SLC39A12: variants seen among roughly 807,000 people sequenced by gnomAD.
SLC39A12 encodes the protein solute carrier family 39 member 12, also known as zinc transporter ZIP12.
SLC39A12 carries 63 observed loss-of-function variants against 71.1 expected under a neutral mutation model. The ratio of observed to expected loss-of-function variants is 0.89; its 90% CI spans 0.72 to 1.09. The LOEUF is 1.09. Ranked by LOEUF, SLC39A12 falls within the 50% of genes least tolerant of loss-of-function variation. The probability of loss-of-function intolerance (pLI) is 0.00; values close to 1 mark genes in which losing one functional copy is unlikely to be tolerated. For synonymous variants in SLC39A12, 351 were observed against 301.3 expected (o/e 1.16, Z -1.71); for missense variants, 892 against 812.6 (o/e 1.10, Z -1.19).
intron 5 of SLC39A12, among the ~76,000 whole-genome samples, chr10:17,979,633 A>G (rs777053758): frequency 1.5e-4 from 23 of 152,234 alleles, no homozygotes; most frequent in Non-Finnish European, 3.2e-4. Context: ...AGGGAAAAAA[A>G]AACACAAGTT....
intron 2 of SLC39A12, among the ~76,000 whole-genome samples, chr10:17,956,418 A>G (rs369889270): frequency 1.4e-5 from 2 of 147,400 alleles, no homozygotes; most frequent in African/African-American, 5.4e-5. Context: ...TCTCATGGAT[A>G]TACATGTTCT....
chr10:18,016,625 C>A (rs1589250038), intron 12 of SLC39A12, among the ~76,000 whole-genome samples: 1 of 152,344 alleles, frequency 6.6e-6, no homozygotes, highest in Non-Finnish European at 1.5e-5. Flanking sequence ...ACCAAACTGT[C>A]TTCCAAAGTG....
At chr10:18,000,422 C>T (rs905506677) in intron 10 of SLC39A12, among the ~76,000 whole-genome samples, 7 of 152,170 alleles carry the variant, frequency 4.6e-5, no homozygotes, top group African/African-American at 1.7e-4. Flanking sequence ...ATGTTAAAAT[C>T]ATTTATGCCA....
chr10:17,971,144 A>G (rs1423487756), intron 4 of SLC39A12, among the ~76,000 whole-genome samples: 1 of 152,016 alleles, frequency 6.6e-6, no homozygotes, highest in Non-Finnish European at 1.5e-5. Context: ...CATCCTAGCT[A>G]GGGCATAAAT....
intron 10 of SLC39A12, among the ~76,000 whole-genome samples, chr10:17,996,169 A>T (rs985962721): frequency 3.3e-5 from 5 of 152,246 alleles, no homozygotes; most frequent in Admixed American, 1.3e-4. Flanking sequence ...GGTAGAATTC[A>T]AATCAGTGAT....
intron 12 of SLC39A12, among the ~76,000 whole-genome samples, chr10:18,014,213 T>A (rs1836314511): frequency 6.6e-6 from 1 of 152,200 alleles, no homozygotes; most frequent in Non-Finnish European, 1.5e-5. Flanking sequence ...TTCTTTTTGA[T>A]GATATTGTAA....
chr10:18,029,464 GT>G (rs1476885096), intron 12 of SLC39A12, among the ~76,000 whole-genome samples: 4 of 152,050 alleles, frequency 2.6e-5, no homozygotes, highest in Non-Finnish European at 5.9e-5. Context: ...ACTGATTTAG[GT>G]TGGACAACTT....
chr10:18,006,398 A>G (rs141414340), intron 12 of SLC39A12, among the ~76,000 whole-genome samples: 2 of 152,348 alleles, frequency 1.3e-5, no homozygotes, highest in African/African-American at 4.8e-5. Flanking sequence ...AAAGGAAGTT[A>G]AGAATGAATG....
Position 17,969,345 on chromosome 10 carries a change from GT to G in SLC39A12, c.751+3662del, listed in dbSNP as rs1834911024. On this transcript the variant is annotated intron_variant, in intron 4 of 12. Coordinates refer to ENST00000377369, the MANE Select transcript of SLC39A12 (RefSeq NM_001145195.2). Reference sequence around the variant, plus strand: ...TGGTCATATGGTAGCTCAATTTTTAGTTTTTTTGAGAAACCTCCCGATCGTT... The same window carrying G: ...TGGTCATATGGTAGCTCAATTTTTAGTTTTTTGAGAAACCTCCCGATCGTT... Among the ~76,000 whole-genome samples, 3 of 152,158 alleles carry G rather than the reference GT, an allele frequency of 2.0e-5. No homozygotes were observed. The East Asian group carries it at 5.8e-4, about 29-fold the overall frequency.
intron 8 of SLC39A12, among the ~76,000 whole-genome samples, chr10:17,991,954 T>C (rs1326877586): frequency 6.6e-6 from 1 of 151,912 alleles, no homozygotes; most frequent in Non-Finnish European, 1.5e-5. Context: ...CCAGGCATGA[T>C]GCCGCGCGCC....
chr10:17,963,834 T>C (rs892343155), intron 3 of SLC39A12, among the ~76,000 whole-genome samples: 6 of 152,162 alleles, frequency 3.9e-5, no homozygotes, highest in African/African-American at 7.2e-5. Context: ...CTGCTCCAAG[T>C]GGGCCTCAAC....
At chr10:17,999,294 CAAAAAAAAAAA>C (rs59734258) in intron 10 of SLC39A12, among the ~76,000 whole-genome samples, 2 of 70,374 alleles carry the variant, frequency 2.8e-5, no homozygotes, top group Non-Finnish European at 4.7e-5. Context: ...GACTCCATCT[CAAAAAAAAAAA>C]AAAAAAAAAA....
At chr10:17,989,402 C>A (rs1033338764) in intron 7 of SLC39A12, among the ~76,000 whole-genome samples, 5 of 152,224 alleles carry the variant, frequency 3.3e-5, no homozygotes, top group Admixed American at 2.6e-4. Flanking sequence ...GTAGAGGCGG[C>A]GGCCCAGGCC....
At chr10:17,987,695 T>G in intron 7 of SLC39A12, 44 bp downstream of exon 7, 1 of 1,603,566 alleles carries the variant, frequency 6.2e-7, no homozygotes, top group Non-Finnish European at 8.5e-7. Flanking sequence ...ACTTCATTGC[T>G]CTTCACTTTT....
chr10:17,972,024 T>C (rs1391085791), intron 4 of SLC39A12, among the ~76,000 whole-genome samples: 2 of 152,186 alleles, frequency 1.3e-5, no homozygotes, highest in African/African-American at 4.8e-5. Context: ...ATTTGGTATG[T>C]TGTGTTTCCA....
rs781872461 is a variant in SLC39A12, at chr10:17,956,194, TCACATGGA to T, written c.261+2663_261+2670del. 4.6e-5 allele frequency among the ~76,000 whole-genome samples: 7 copies of T among 152,168 alleles called. No homozygotes were observed. The East Asian group carries it at 1.4e-3, about 29-fold the overall frequency. On this transcript the variant is annotated intron_variant, in intron 2 of 12. Transcript: ENST00000377369. ...CTCCCCGGGGAGATCTCTGCAAGGATCACATGGACACATATGCCCTCAGGGATCAAATC... is the reference window on the plus strand; with the variant it reads ...CTCCCCGGGGAGATCTCTGCAAGGATCACATATGCCCTCAGGGATCAAATC...
At chr10:17,956,381 ACTT>A (rs1184742755) in intron 2 of SLC39A12, among the ~76,000 whole-genome samples, 45 of 151,298 alleles carry the variant, frequency 3.0e-4, no homozygotes, top group African/African-American at 1.0e-3. Flanking sequence ...ACATACATGT[ACTT>A]CTTAGGAATC....
intron 4 of SLC39A12, among the ~76,000 whole-genome samples, chr10:17,967,634 A>G (rs952038358): frequency 6.6e-6 from 1 of 152,056 alleles, no homozygotes; most frequent in Non-Finnish European, 1.5e-5. Flanking sequence ...CTGTAATCCC[A>G]GCACTTTGGG....
intron 7 of SLC39A12, among the ~76,000 whole-genome samples, chr10:17,989,328 C>G (rs1484744605): frequency 6.6e-6 from 1 of 152,188 alleles, no homozygotes; most frequent in African/African-American, 2.4e-5. Flanking sequence ...AAAATAAAAC[C>G]ATTATGAGTT....
Sources: gnomAD v4.1 joint callset for allele counts (sites outside exome capture counted in the v4.1 genomes callset) on GRCh38, gnomAD v4.1.1 for gene constraint, MANE v1.5 for transcripts, NCBI Gene and HGNC (gene_info 2026-07-23, HGNC 2026-07-21) for gene names.